Variants in AUTS2 observed in about 807,000 individuals in gnomAD.
AUTS2 encodes the protein autism susceptibility gene 2 protein.
Under a neutral mutation model 112.4 loss-of-function variants are expected in AUTS2, and 17 were observed. The observed-to-expected ratio is 0.15, with a 90% CI of 0.10 to 0.23. AUTS2 has a LOEUF of 0.23. Among genes scored for constraint, AUTS2 ranks in the 10% least tolerant of loss-of-function variants. AUTS2 has a pLI of 1.00. For missense variants in AUTS2, 1,510 were observed against 1,701.6 expected, an observed-to-expected ratio of 0.89 and a Z score of 1.98; for synonymous variants, 751 against 702.7, an observed-to-expected ratio of 1.07 and a Z score of -1.09.
intron 1 of AUTS2, among the ~76,000 whole-genome samples, chr7:69,632,566 C>T (rs1396062435): frequency 6.9e-6 from 1 of 144,258 alleles, no homozygotes; most frequent in Non-Finnish European, 1.5e-5. Context: ...CTCTCCCTCC[C>T]CCTCTCCCCT....
At chr7:69,933,690 G>A (rs1796307023) in intron 2 of AUTS2, among the ~76,000 whole-genome samples, 1 of 151,908 alleles carries the variant, frequency 6.6e-6, no homozygotes, top group Admixed American at 6.6e-5. Context: ...TTTTGGTAGG[G>A]AGGGAGGTCT....
intron 4 of AUTS2, among the ~76,000 whole-genome samples, chr7:70,407,226 C>T (rs943742996): frequency 2.0e-5 from 3 of 152,164 alleles, no homozygotes; most frequent in African/African-American, 4.8e-5. Flanking sequence ...ATTTTGGAAT[C>T]ATAATCAGAT....
intron 5 of AUTS2, among the ~76,000 whole-genome samples, chr7:70,502,434 G>A (rs1798805771): frequency 6.6e-6 from 1 of 152,180 alleles, no homozygotes; most frequent in Non-Finnish European, 1.5e-5. Flanking sequence ...GCATCTGTTT[G>A]AAAGAAATTG....
chr7:70,754,284 C>T (rs140518071), intron 6 of AUTS2, among the ~76,000 whole-genome samples: 1 of 152,138 alleles, frequency 6.6e-6, no homozygotes, highest in Non-Finnish European at 1.5e-5. Flanking sequence ...TGAGCCTACA[C>T]GTTAAAGACC....
At chr7:70,423,752 GT>G (rs1276627926) in intron 4 of AUTS2, among the ~76,000 whole-genome samples, 1 of 151,888 alleles carries the variant, frequency 6.6e-6, no homozygotes. Flanking sequence ...GATTCTTCTT[GT>G]TGCTCACTTC....
At position 70,766,288 on chromosome 7, in the gene AUTS2, ACGCCATCCCACCCAC is replaced by A. The variant is rs1162262849; in HGVS notation, c.1651_1665del (p.Pro551_Ile555del). ...CAGCACACCTTCACGCCGTTCCCCC[ACGCCATCCCACCCAC>A]CGCCATCATGCCGACGCCAGCACCT... On this transcript the variant is annotated inframe_deletion, in exon 9 of 19. Transcript: ENST00000342771. The surrounding 1 kb of genome is among the most constrained non-coding windows in gnomAD (Gnocchi z 4.8). The A allele has an allele frequency of 6.2e-7, 1 of 1,613,688 alleles. No individual in the cohort carries two copies. The highest frequency in any genetic ancestry group is 8.5e-7 in the Non-Finnish European group (1 of 1,179,932).
intron 1 of AUTS2, among the ~76,000 whole-genome samples, chr7:69,859,689 G>A (rs1171095152): frequency 6.6e-6 from 1 of 152,212 alleles, no homozygotes; most frequent in Non-Finnish European, 1.5e-5. Flanking sequence ...AAGAGCCAGT[G>A]AGCTGGGTTG....
rs1271081491 is a variant in AUTS2 at position 70,631,916 on chromosome 7, T to C, written c.691-66653T>C. ...TGACCAGAGGGGAGACTGCCTGTGG[T>C]GAAAAGGACAAGGAGATTTGCATCT... On this transcript the variant is annotated intron_variant, in intron 5 of 18. Transcript: ENST00000342771. The surrounding 1 kb of genome is among the most constrained non-coding windows in gnomAD (Gnocchi z 4.5). 6.6e-6 allele frequency among the ~76,000 whole-genome samples: 1 copy of C among 151,812 alleles called. No homozygotes were observed. The highest frequency in any genetic ancestry group is 1.5e-5 in the Non-Finnish European group (1 of 67,994).
chr7:69,839,838 G>A (rs944935774), intron 1 of AUTS2, among the ~76,000 whole-genome samples: 6 of 152,094 alleles, frequency 3.9e-5, no homozygotes, highest in African/African-American at 1.4e-4. Flanking sequence ...AAATATGGCA[G>A]GAGAGTGAAG....
At chr7:69,996,256 A>AG (rs1210315442) in intron 2 of AUTS2, among the ~76,000 whole-genome samples, 1 of 152,208 alleles carries the variant, frequency 6.6e-6, no homozygotes, top group African/African-American at 2.4e-5. Context: ...TGCTATGGCA[A>AG]GGTATGCTAC....
chr7:70,085,710 A>G (rs532252317), intron 2 of AUTS2, among the ~76,000 whole-genome samples: 23 of 152,212 alleles, frequency 1.5e-4, no homozygotes, highest in Non-Finnish European at 2.6e-4. Context: ...ATCATTTCTT[A>G]AAATGACTGT....
At chr7:70,388,753 T>A (rs1793723285) in intron 4 of AUTS2, among the ~76,000 whole-genome samples, 2 of 152,228 alleles carry the variant, frequency 1.3e-5, no homozygotes, top group Non-Finnish European at 2.9e-5. Flanking sequence ...TTTTAATGAC[T>A]TAATTAACTA....
intron 2 of AUTS2, among the ~76,000 whole-genome samples, chr7:69,904,458 A>C (rs903713516): frequency 6.6e-6 from 1 of 152,014 alleles, no homozygotes; most frequent in Non-Finnish European, 1.5e-5. Context: ...ATCCAGCTTG[A>C]CTCTAGAGCC....
chr7:69,891,328 GAGT>G (rs1464322951), intron 1 of AUTS2, among the ~76,000 whole-genome samples: 1 of 152,138 alleles, frequency 6.6e-6, no homozygotes, highest in Non-Finnish European at 1.5e-5. Context: ...TTTTATTGCT[GAGT>G]AGTATTCCAT....
chr7:70,166,264 T>C (rs1808375598), intron 4 of AUTS2, among the ~76,000 whole-genome samples: 1 of 152,174 alleles, frequency 6.6e-6, no homozygotes, highest in East Asian at 1.9e-4. Context: ...GCAAATAATT[T>C]ATTTTAAGGG....
intron 6 of AUTS2, among the ~76,000 whole-genome samples, chr7:70,759,453 G>A (rs1454316864): frequency 6.6e-6 from 1 of 152,206 alleles, no homozygotes. Flanking sequence ...GTGGAATCTG[G>A]ATGGGGATTC....
chr7:69,877,882 T>A (rs1793873762), intron 1 of AUTS2, among the ~76,000 whole-genome samples: 1 of 151,980 alleles, frequency 6.6e-6, no homozygotes. Flanking sequence ...TAGTGAAGAA[T>A]GAGTTGTGTG....
At chr7:70,168,067 C>G (rs1808474764) in intron 4 of AUTS2, among the ~76,000 whole-genome samples, 1 of 152,206 alleles carries the variant, frequency 6.6e-6, no homozygotes, top group Non-Finnish European at 1.5e-5. Context: ...ATTCCTTGAA[C>G]TTGACAACTA....
intron 1 of AUTS2, among the ~76,000 whole-genome samples, chr7:69,663,469 C>A (rs1240933784): frequency 6.6e-6 from 1 of 152,130 alleles, no homozygotes; most frequent in Non-Finnish European, 1.5e-5. Flanking sequence ...TGCTGGAGAT[C>A]ATTTTCACCT....
Sources: allele counts gnomAD v4.1 joint callset (sites outside exome capture counted in the v4.1 genomes callset), GRCh38; gene constraint gnomAD v4.1.1; non-coding constraint Gnocchi (gnomAD v3.1); transcripts MANE v1.5; gene names NCBI Gene and HGNC (gene_info 2026-07-23, HGNC 2026-07-21).